The following DOCK3 variants were observed in gnomAD, a reference collection of about 807,000 sequenced individuals.
DOCK3 encodes dedicator of cytokinesis 3.
Under a neutral mutation model 265.6 loss-of-function variants are expected in DOCK3, and 60 were observed. The observed-to-expected ratio is 0.23, with a 90% CI of 0.18 to 0.28. The LOEUF is 0.28. Among genes scored for constraint, DOCK3 ranks in the 10% least tolerant of loss-of-function variants. The pLI is 1.00. For missense variants in DOCK3, 1,981 were observed against 2,594.3 expected, an observed-to-expected ratio of 0.76 and a Z score of 5.14; for synonymous variants, 881 against 938.0, an observed-to-expected ratio of 0.94 and a Z score of 1.11.
At chr3:51,325,229 C>T (rs989333860) in intron 32 of DOCK3, among the ~76,000 whole-genome samples, 2 of 151,550 alleles carry the variant, frequency 1.3e-5, no homozygotes, top group African/African-American at 4.8e-5. Flanking sequence ...AAAAAAAAAA[C>T]CCTATCAAAA....
chr3:50,781,534 A>G (rs2041920145), intron 2 of DOCK3, among the ~76,000 whole-genome samples: 2 of 152,276 alleles, frequency 1.3e-5, no homozygotes, highest in East Asian at 3.9e-4. Flanking sequence ...TCAGCCTTCC[A>G]AAATGCTGAA....
At chr3:51,276,027 A>C (rs935445222) in intron 25 of DOCK3, among the ~76,000 whole-genome samples, 2 of 152,250 alleles carry the variant, frequency 1.3e-5, no homozygotes, top group Non-Finnish European at 2.9e-5. Context: ...AGGTTGCTAG[A>C]GAATAGAATT....
intron 5 of DOCK3, among the ~76,000 whole-genome samples, chr3:50,982,862 G>T (rs781327958): frequency 6.6e-6 from 1 of 152,102 alleles, no homozygotes; most frequent in Non-Finnish European, 1.5e-5. Context: ...AGGGCTGCCT[G>T]CATGCTCCAC....
chr3:51,214,055 G>T, intron 13 of DOCK3, 67 bp from the exon 14 acceptor site: 1 of 1,599,452 alleles, frequency 6.3e-7, no homozygotes, highest in Non-Finnish European at 8.5e-7. Flanking sequence ...AAATGTGACT[G>T]TGTCTTTTCA....
At chr3:50,722,512 G>C (rs1417139557) in intron 1 of DOCK3, among the ~76,000 whole-genome samples, 1 of 152,184 alleles carries the variant, frequency 6.6e-6, no homozygotes, top group Non-Finnish European at 1.5e-5. Flanking sequence ...CGTGTTAGAA[G>C]TATTATTTCC....
chr3:51,041,564 C>T (rs1471282009), intron 5 of DOCK3, among the ~76,000 whole-genome samples: 1 of 152,078 alleles, frequency 6.6e-6, no homozygotes, highest in African/African-American at 2.4e-5. Flanking sequence ...AAATTACTCC[C>T]TGATCTGTGG....
chr3:50,724,045 A>T (rs1453320616), intron 1 of DOCK3, among the ~76,000 whole-genome samples: 1 of 152,232 alleles, frequency 6.6e-6, no homozygotes, highest in Non-Finnish European at 1.5e-5. Context: ...ATATGAAAAG[A>T]CACTTCTCAA....
chr3:51,289,208 G>C (rs9870281), intron 27 of DOCK3, among the ~76,000 whole-genome samples: 127,876 of 152,146 alleles, frequency 0.84, 54,379 homozygotes, highest in Middle Eastern at 0.9. Context: ...ACCAAATGCT[G>C]CATGTTCTCA....
chr3:51,253,179 T>A (rs2355945), intron 22 of DOCK3, among the ~76,000 whole-genome samples: 125,031 of 152,196 alleles, frequency 0.82, 51,950 homozygotes, highest in Middle Eastern at 0.9. Flanking sequence ...TTGGTTTGCA[T>A]ATGTTGAACC....
chr3:50,954,387 T>TA (rs930171657), intron 5 of DOCK3, among the ~76,000 whole-genome samples: 9 of 152,176 alleles, frequency 5.9e-5, no homozygotes, highest in South Asian at 4.1e-4. Context: ...ATTTGGGAGT[T>TA]AAATATGTAT....
Position 51,133,944 on chromosome 3 carries a change from C to T in DOCK3, c.747-12605C>T, listed in dbSNP as rs141583675. Among the ~76,000 whole-genome samples the T allele has an allele frequency of 5.7e-3, 863 of 152,284 alleles. 9 individuals carry two copies. The highest frequency in any genetic ancestry group is 0.018 in the African/African-American group (753 of 41,558). On this transcript the variant is annotated intron_variant, in intron 9 of 52. Transcript: ENST00000266037. ...ATCTCCCTCCTCCCACCCTCACCCT[C>T]AGTGGGCCCCAGTGTCTGTTGTTCT...
intron 3 of DOCK3, among the ~76,000 whole-genome samples, chr3:50,849,237 A>G (rs1021684559): frequency 1.3e-5 from 2 of 151,640 alleles, no homozygotes; most frequent in Non-Finnish European, 2.9e-5. Context: ...GTCTTGCCAC[A>G]TTACTAGAGC....
intron 3 of DOCK3, among the ~76,000 whole-genome samples, chr3:50,872,940 C>T (rs867449603): frequency 2.0e-5 from 3 of 152,174 alleles, no homozygotes; most frequent in Non-Finnish European, 2.9e-5. Flanking sequence ...GCAGTGGGCT[C>T]CTCCCTGGTC....
At chr3:51,324,631 A>G (rs1370376045) in intron 32 of DOCK3, among the ~76,000 whole-genome samples, 1 of 152,234 alleles carries the variant, frequency 6.6e-6, no homozygotes, top group Non-Finnish European at 1.5e-5. Flanking sequence ...CAAAAAGAAC[A>G]AAGCTGGAGA....
At chr3:51,203,179 A>T (rs1313639693) in intron 12 of DOCK3, among the ~76,000 whole-genome samples, 5 of 152,108 alleles carry the variant, frequency 3.3e-5, no homozygotes, top group African/African-American at 1.2e-4. Context: ...GCAATTAGGC[A>T]GGAGAAGGAA....
At chr3:51,334,779 A>G (rs2084754859) in intron 35 of DOCK3, among the ~76,000 whole-genome samples, 1 of 152,212 alleles carries the variant, frequency 6.6e-6, no homozygotes, top group South Asian at 2.1e-4. Context: ...ACCGTGGCCT[A>G]ACAAAGGAGC....
At chr3:50,928,511 G>T (rs1483015214) in intron 4 of DOCK3, among the ~76,000 whole-genome samples, 1 of 152,080 alleles carries the variant, frequency 6.6e-6, no homozygotes, top group Non-Finnish European at 1.5e-5. Flanking sequence ...ATATTCCATT[G>T]CACTTATATA....
chr3:51,143,360 C>A (rs144965316), intron 9 of DOCK3, among the ~76,000 whole-genome samples: 16,178 of 151,478 alleles, frequency 0.11, 1,125 homozygotes, highest in South Asian at 0.15. Context: ...GCCTCCGCCC[C>A]CTGGGTTCAA....
intron 6 of DOCK3, among the ~76,000 whole-genome samples, chr3:51,068,833 C>T (rs937095286): frequency 1.3e-5 from 2 of 152,154 alleles, no homozygotes; most frequent in African/African-American, 2.4e-5. Flanking sequence ...AGTGTGAATA[C>T]TATTACATCC....
Sources: gnomAD v4.1 joint callset for allele counts (sites outside exome capture counted in the v4.1 genomes callset) on GRCh38, gnomAD v4.1.1 for gene constraint, MANE v1.5 for transcripts, NCBI Gene and HGNC (gene_info 2026-07-23, HGNC 2026-07-21) for gene names.